The following LRP2 variants were observed in gnomAD, a reference collection of about 807,000 sequenced individuals.
LRP2 encodes the protein LDL receptor related protein 2.
In LRP2, 172 loss-of-function variants were observed where a neutral mutation model predicts 531.0. The ratio of observed to expected loss-of-function variants is 0.32; its 90% CI spans 0.29 to 0.37. The LOEUF is 0.37. Ranked by LOEUF, LRP2 falls within the 10% of genes least tolerant of loss-of-function variation. The probability of loss-of-function intolerance (pLI) is 1.00; values close to 1 mark genes in which losing one functional copy is unlikely to be tolerated. For synonymous variants in LRP2, 1,992 were observed against 2,027.6 expected (o/e 0.98, Z 0.47); for missense variants, 5,167 against 5,868.3 (o/e 0.88, Z 3.90).
intron 29 of LRP2, 126 bp from the exon 30 acceptor site, chr2:169,233,714 G>C: frequency 1.1e-6 from 1 of 888,260 alleles, no homozygotes; most frequent in African/African-American, 1.7e-5. Context: ...AAAAACACAA[G>C]GAAGTCATTG....
chr2:169,205,244 C>T (rs757135683), intron 41 of LRP2, among the ~76,000 whole-genome samples: 45 of 152,054 alleles, frequency 3.0e-4, no homozygotes, highest in Non-Finnish European at 6.0e-4. Flanking sequence ...ATATATTTAG[C>T]AATGCATCTT....
chr2:169,339,840 C>T (rs978182238), intron 1 of LRP2, among the ~76,000 whole-genome samples: 1 of 152,184 alleles, frequency 6.6e-6, no homozygotes, highest in Admixed American at 6.5e-5. Context: ...AAGTCCAAAG[C>T]TTTTCAAAAT....
chr2:169,226,730 C>T (rs1323993293), intron 31 of LRP2, 142 bp from the exon 32 acceptor site: 3 of 720,108 alleles, frequency 4.2e-6, no homozygotes, highest in Non-Finnish European at 4.9e-6. Context: ...TGTACTTCAT[C>T]AGACAAGCAT....
chr2:169,292,589 C>T (rs956020252), intron 6 of LRP2, among the ~76,000 whole-genome samples: 9 of 151,762 alleles, frequency 5.9e-5, no homozygotes, highest in African/African-American at 2.2e-4. Flanking sequence ...ACTCAGGTGC[C>T]GGTTTCTGTT....
intron 1 of LRP2, among the ~76,000 whole-genome samples, chr2:169,359,001 G>C (rs143485559): frequency 1.1e-3 from 170 of 151,284 alleles, no homozygotes; most frequent in Non-Finnish European, 1.9e-3. Context: ...ACTTTCCTTT[G>C]TATATTTGAA....
chr2:169,169,313 A>T (rs1260868703), intron 60 of LRP2, among the ~76,000 whole-genome samples: 1 of 152,244 alleles, frequency 6.6e-6, no homozygotes, highest in Non-Finnish European at 1.5e-5. Context: ...TGTGACTGAG[A>T]AAAATTTTAA....
rs529409328 is a variant in LRP2 at position 169,282,904 on chromosome 2, C to T, written c.1140G>A (p.Glu380=). The T allele has an allele frequency of 1.1e-5, 18 of 1,613,998 alleles. No homozygotes were observed. Among genetic ancestry groups the T allele is most frequent in the East Asian group, 2.2e-5 (1 of 44,892 alleles). ...CATTAGCTTTGCAATACTGTCCACG[C>T]TCCAAGATATACCCTTCTTCACAGT... ...LCHCEEGYIL[E]RGQYCKANDS... Residue 380 remains glutamate (E), a synonymous_variant, in exon 10 of 79, where the codon GAG becomes GAA. Coordinates refer to ENST00000649046, the MANE Select transcript of LRP2 (RefSeq NM_004525.3).
At chr2:169,358,208 G>A (rs560461233) in intron 1 of LRP2, among the ~76,000 whole-genome samples, 32 of 152,154 alleles carry the variant, frequency 2.1e-4, no homozygotes, top group Non-Finnish European at 3.8e-4. Context: ...CATTCAGAAG[G>A]CATGAATCTA....
intron 1 of LRP2, among the ~76,000 whole-genome samples, chr2:169,324,557 A>T (rs1684992132): frequency 6.6e-6 from 1 of 152,146 alleles, no homozygotes; most frequent in South Asian, 2.1e-4. Flanking sequence ...AGCGTTTTGA[A>T]ATCGGTAGTA....
chr2:169,278,592 G>T (rs1352561503), intron 12 of LRP2, among the ~76,000 whole-genome samples: 3 of 152,088 alleles, frequency 2.0e-5, no homozygotes, highest in African/African-American at 7.2e-5. Context: ...CCTTTTAAAA[G>T]AAGCTATCAA....
At chr2:169,210,084 A>C (rs1372434535) in intron 37 of LRP2, among the ~76,000 whole-genome samples, 2 of 152,220 alleles carry the variant, frequency 1.3e-5, no homozygotes, top group East Asian at 3.8e-4. Flanking sequence ...TTTAAAAAGT[A>C]AACCGGGGAG....
Position 169,259,107 on chromosome 2 carries a change from T to C in LRP2, c.2431A>G (p.Met811Val), listed in dbSNP as rs781156012. The C allele has an allele frequency of 1.5e-5, 24 of 1,613,152 alleles. No homozygotes were observed. In the Admixed American group the frequency reaches 2.8e-4, roughly 19 times the overall value. Residue 811 changes from methionine (M) to valine (V), a missense_variant, in exon 17 of 79, where the codon ATG (methionine) becomes GTG (valine). By Grantham distance (21) the Met-to-Val change is conservative (BLOSUM62 1). Around this residue, in one of 6 missense-constraint regions of LRP2, gnomAD observed 2,811 missense variants for 3,058.0 expected, o/e 0.92. Coordinates refer to ENST00000649046, the MANE Select transcript of LRP2 (RefSeq NM_004525.3). The stretch of plus-strand genomic sequence containing the variant: ...CGTCTCGTTTTATCAGCTAGCCTCA[T>C]GACACTGATACTCTTGTAATGAGAG... ...TDSHYKSISV[M>V]RLADKTRRTV...
At position 169,277,734 on chromosome 2, in the gene LRP2, A is replaced by G. The variant is rs1204915978; in HGVS notation, c.1772+11T>C. On this transcript the variant is annotated intron_variant, in intron 13 of 78. Transcript: ENST00000649046. ...CTTATAAAGCCATAAGCCATAAAAA[A>G]TACTTCTTACCTTTGAATTCCATCA... 3 of 1,612,952 alleles carry G rather than the reference A, an allele frequency of 1.9e-6. No homozygotes were observed. Among genetic ancestry groups the G allele is most frequent in the African/African-American group, 1.3e-5 (1 of 74,924 alleles).
intron 34 of LRP2, among the ~76,000 whole-genome samples, chr2:169,218,429 A>G (rs548912638): frequency 3.0e-4 from 46 of 152,084 alleles, no homozygotes; most frequent in Non-Finnish European, 6.2e-4. Flanking sequence ...CTATCATCCC[A>G]ATTTTTTTAG....
chr2:169,211,751 G>T (rs748114556), intron 37 of LRP2, among the ~76,000 whole-genome samples: 1 of 152,112 alleles, frequency 6.6e-6, no homozygotes, highest in Non-Finnish European at 1.5e-5. Context: ...GAAAAATCTG[G>T]GGACGAGGTC....
chr2:169,288,273 G>A (rs1466651729), intron 9 of LRP2, among the ~76,000 whole-genome samples: 1 of 152,094 alleles, frequency 6.6e-6, no homozygotes, highest in Non-Finnish European at 1.5e-5. Context: ...CCATCATAAG[G>A]CCCCGTCCTA....
At chr2:169,266,111 T>C (rs1369577895) in intron 16 of LRP2, among the ~76,000 whole-genome samples, 1 of 152,032 alleles carries the variant, frequency 6.6e-6, no homozygotes, top group Non-Finnish European at 1.5e-5. Flanking sequence ...TATATTTATA[T>C]TATGTTAATA....
chr2:169,181,337 C>T, intron 52 of LRP2, 111 bp downstream of exon 52: 1 of 1,080,346 alleles, frequency 9.3e-7, no homozygotes, highest in Non-Finnish European at 1.4e-6. Context: ...CGAATGACTT[C>T]CAACAGACAG....
At chr2:169,315,572 C>G (rs955412220) in intron 3 of LRP2, among the ~76,000 whole-genome samples, 2 of 152,130 alleles carry the variant, frequency 1.3e-5, no homozygotes, top group Non-Finnish European at 2.9e-5. Context: ...ACTGCTGTGC[C>G]CAAGTGGCCA....
Sources: allele counts gnomAD v4.1 joint callset (sites outside exome capture counted in the v4.1 genomes callset), GRCh38; gene constraint gnomAD v4.1.1; regional missense constraint gnomAD v4.1.1; transcripts MANE v1.5; gene names NCBI Gene and HGNC (gene_info 2026-07-23, HGNC 2026-07-21).